Variants in TIAM1 observed in about 807,000 individuals in gnomAD.
TIAM1 encodes TIAM Rac1 associated GEF 1, also known as rho guanine nucleotide exchange factor TIAM1.
Under a neutral mutation model 163.5 loss-of-function variants are expected in TIAM1, and 65 were observed. The ratio of observed to expected loss-of-function variants is 0.40; its 90% CI spans 0.33 to 0.49. The LOEUF (loss-of-function observed/expected upper bound fraction) is 0.49, where lower values mean the gene tolerates loss of function less well. TIAM1 is among the 20% of genes least tolerant of loss of function. The pLI, the probability that TIAM1 is intolerant of heterozygous loss-of-function variation, is 0.77. For missense variants in TIAM1, 1,789 were observed against 2,044.7 expected, an observed-to-expected ratio of 0.87 and a Z score of 2.41; for synonymous variants, 833 against 810.1, an observed-to-expected ratio of 1.03 and a Z score of -0.48.
rs565205341 is a variant in TIAM1, at chr21:31,449,365, T to C, written c.-369+14618A>G. ...AAAAAAACAGTCATAGTTCTTTTTG[T>C]TTTGTTTCTTATTTTATTTATTTAT... On this transcript the variant is annotated intron_variant, in intron 2 of 28. Coordinates refer to the TIAM1 transcript ENST00000286827. Among the ~76,000 whole-genome samples the C allele has an allele frequency of 2.0e-5, 3 of 151,942 alleles. No individual in the cohort carries two copies. The South Asian group carries it at 6.2e-4, about 32-fold the overall frequency.
chr21:31,388,103 G>A (rs568904932), intron 2 of TIAM1, among the ~76,000 whole-genome samples: 47 of 147,748 alleles, frequency 3.2e-4, no homozygotes, highest in Middle Eastern at 3.5e-3. Flanking sequence ...CCTAGCAGAC[G>A]CCGCAAAAAG....
intron 2 of TIAM1, among the ~76,000 whole-genome samples, chr21:31,317,973 A>G (rs2075184739): frequency 6.6e-6 from 1 of 152,244 alleles, no homozygotes; most frequent in South Asian, 2.1e-4. Context: ...GACCCAGCTC[A>G]ACAGGATTTC....
At chr21:31,369,842 G>T (rs181441146) in intron 2 of TIAM1, among the ~76,000 whole-genome samples, 1 of 152,252 alleles carries the variant, frequency 6.6e-6, no homozygotes, top group Non-Finnish European at 1.5e-5. Context: ...AAAATTAGCT[G>T]GGCGTGGTGG....
chr21:31,408,598 T>C (rs2077289249), intron 2 of TIAM1, among the ~76,000 whole-genome samples: 1 of 152,230 alleles, frequency 6.6e-6, no homozygotes, highest in South Asian at 2.1e-4. Flanking sequence ...ACATTTTGGC[T>C]AAACTGGCTT....
At chr21:31,425,736 G>T (rs1413127963) in intron 2 of TIAM1, among the ~76,000 whole-genome samples, 2 of 143,814 alleles carry the variant, frequency 1.4e-5, no homozygotes, top group Admixed American at 1.5e-4. Context: ...TCGCTCTGTC[G>T]CCCAGGCTGG....
intron 1 of TIAM1, among the ~76,000 whole-genome samples, chr21:31,530,223 G>T (rs2047927977): frequency 6.6e-6 from 1 of 152,202 alleles, no homozygotes; most frequent in African/African-American, 2.4e-5. Context: ...CATATTTCAA[G>T]AATAGCTATC....
chr21:31,126,883 C>G (rs867737334), intron 26 of TIAM1, among the ~76,000 whole-genome samples, 182 bp downstream of exon 26: 2 of 152,102 alleles, frequency 1.3e-5, no homozygotes, highest in Non-Finnish European at 2.9e-5. Flanking sequence ...TCCAAATGAT[C>G]AGGAATCCCG....
At chr21:31,234,224 C>A (rs1375097450) in intron 6 of TIAM1, among the ~76,000 whole-genome samples, 1 of 151,726 alleles carries the variant, frequency 6.6e-6, no homozygotes, top group Non-Finnish European at 1.5e-5. Flanking sequence ...CTACACAACC[C>A]TTGGAGATGC....
intron 2 of TIAM1, among the ~76,000 whole-genome samples, chr21:31,380,797 T>C (rs2076765751): frequency 6.6e-6 from 1 of 152,222 alleles, no homozygotes; most frequent in African/African-American, 2.4e-5. Flanking sequence ...ACAATGTTCA[T>C]AAAGCAGTTT....
At chr21:31,337,755 C>G in intron 2 of TIAM1, among the ~76,000 whole-genome samples, 1 of 151,964 alleles carries the variant, frequency 6.6e-6, no homozygotes, top group African/African-American at 2.4e-5. Context: ...GGCTCGGACT[C>G]TTGACCTCAA....
intron 11 of TIAM1, among the ~76,000 whole-genome samples, chr21:31,207,058 C>T (rs541331189): frequency 1.3e-5 from 2 of 152,188 alleles, no homozygotes; most frequent in South Asian, 4.2e-4. Flanking sequence ...CACAGAATGA[C>T]GTAGTAAAAG....
At chr21:31,477,319 G>T (rs1339096652) in intron 1 of TIAM1, among the ~76,000 whole-genome samples, 1 of 152,140 alleles carries the variant, frequency 6.6e-6, no homozygotes, top group Non-Finnish European at 1.5e-5. Flanking sequence ...AGAAAGAGTT[G>T]GGAGAGGCAA....
At chr21:31,189,360 C>T (rs2146470287) in intron 13 of TIAM1, among the ~76,000 whole-genome samples, 1 of 152,080 alleles carries the variant, frequency 6.6e-6, no homozygotes, top group Non-Finnish European at 1.5e-5. Context: ...CAGCCATTCC[C>T]TCTTTTCTTG....
chr21:31,130,909 G>A lies in TIAM1; in HGVS notation c.3923C>T (p.Ser1308Phe). 1 of 1,613,968 alleles carries A rather than the reference G, an allele frequency of 6.2e-7. No individual in the cohort carries two copies. ...TCTTACAAGTTTCTTCTTCTGTTTG[G>A]AACCATCTTTATACACAAGGACCAC... Reference protein sequence around the residue: ...TAVVLVYKDGSKQKKKLVGSH... With the variant: ...TAVVLVYKDGFKQKKKLVGSH... Residue 1308 changes from serine to phenylalanine, a missense_variant, in exon 24 of 28, where the codon TCC (serine) becomes TTC (phenylalanine). Physicochemically the swap from Ser to Phe is radical, Grantham distance 155 (BLOSUM62 -2). This residue lies in a region of TIAM1 where 415 missense variants were observed against 439.2 expected (regional missense o/e 0.94). Transcript: ENST00000541036.
At chr21:31,495,338 T>A (rs1250951071) in intron 1 of TIAM1, among the ~76,000 whole-genome samples, 1 of 152,186 alleles carries the variant, frequency 6.6e-6, no homozygotes, top group Non-Finnish European at 1.5e-5. Flanking sequence ...TGGGGAGAAC[T>A]GCTTTCTGCC....
intron 2 of TIAM1, among the ~76,000 whole-genome samples, chr21:31,455,693 G>A (rs981798895): frequency 2.6e-5 from 4 of 152,192 alleles, no homozygotes; most frequent in East Asian, 1.9e-4. Flanking sequence ...GATGGGAAGC[G>A]CTAGAACACA....
chr21:31,337,471 G>T (rs1464545499), intron 2 of TIAM1, among the ~76,000 whole-genome samples: 1 of 150,962 alleles, frequency 6.6e-6, no homozygotes, highest in Non-Finnish European at 1.5e-5. Context: ...ATGGACAGCC[G>T]GTGCTCCAAA....
chr21:31,515,331 G>A (rs2047347137), intron 1 of TIAM1, among the ~76,000 whole-genome samples: 1 of 152,088 alleles, frequency 6.6e-6, no homozygotes, highest in South Asian at 2.1e-4. Context: ...GTGGTCCCTG[G>A]ACCAGTGGCA....
intron 2 of TIAM1, among the ~76,000 whole-genome samples, chr21:31,451,738 T>C (rs940502467): frequency 8.7e-5 from 13 of 150,150 alleles, no homozygotes; most frequent in African/African-American, 3.0e-4. Flanking sequence ...TGTGTGTGTG[T>C]GTGTGTGTGT....
Sources: allele counts gnomAD v4.1 joint callset (sites outside exome capture counted in the v4.1 genomes callset), GRCh38; gene constraint gnomAD v4.1.1; regional missense constraint gnomAD v4.1.1; transcripts MANE v1.5; gene names NCBI Gene and HGNC (gene_info 2026-07-23, HGNC 2026-07-21).